LARP1: variants seen among roughly 807,000 people sequenced by gnomAD.
The protein encoded by LARP1 is la-related protein 1.
Under a neutral mutation model 122.7 loss-of-function variants are expected in LARP1, and 36 were observed. The observed-to-expected ratio is 0.29, with a 90% CI of 0.22 to 0.39. LARP1 has a LOEUF of 0.39. Ranked by LOEUF, LARP1 falls within the 10% of genes least tolerant of loss-of-function variation. LARP1 has a pLI of 1.00. For missense variants in LARP1, 1,040 were observed against 1,403.6 expected (o/e 0.74, Z 4.14); for synonymous variants, 539 against 528.7 (o/e 1.02, Z -0.27).
chr5:154,719,378 TTGA>T (rs774865252), intron 1 of LARP1, among the ~76,000 whole-genome samples: 6 of 152,228 alleles, frequency 3.9e-5, no homozygotes, highest in Admixed American at 2.0e-4. Context: ...TTTAACCTTA[TTGA>T]TGTCATGGAT....
chr5:154,695,670 A>G (rs946117079), intron 1 of LARP1, among the ~76,000 whole-genome samples: 1 of 151,836 alleles, frequency 6.6e-6, no homozygotes, highest in South Asian at 2.1e-4. Context: ...AAAAAGAGTT[A>G]TAGACTACCC....
chr5:154,807,865 T>G (rs1758913164), intron 15 of LARP1, among the ~76,000 whole-genome samples: 1 of 152,246 alleles, frequency 6.6e-6, no homozygotes, highest in African/African-American at 2.4e-5. Flanking sequence ...AGATGCTTTT[T>G]TAACTGGATT....
chr5:154,708,977 T>C (rs975991262), upstream of LARP1, among the ~76,000 whole-genome samples: 3 of 152,226 alleles, frequency 2.0e-5, no homozygotes, highest in African/African-American at 7.2e-5. Flanking sequence ...ATTGTTGCCT[T>C]GTTGTCAACA....
chr5:154,803,403 G>A lies in LARP1; in HGVS notation c.2223G>A (p.Arg741=). Residue 741 remains arginine, a synonymous_variant, in exon 12 of 19, where the codon CGG becomes CGA. Coordinates refer to ENST00000518297, the MANE Select transcript of LARP1 (RefSeq NM_033551.3). This position sits in a 1 kb window ranked among gnomAD's most constrained non-coding sequence, Gnocchi z 4.4. ...AGGAAGTTCCTCCTGGGCCACCTCG[G>A]TTCCAGCAAGGTGAGAAGCAGACAC... is the stretch of plus-strand genomic sequence containing the variant. ...PNQEVPPGPP[R]FQQVPTDALA... is the part of the protein sequence containing the mutation. The A allele has an allele frequency of 6.2e-7, 1 of 1,614,094 alleles. No individual in the cohort carries two copies. Among genetic ancestry groups the A allele is most frequent in the Non-Finnish European group, 8.5e-7 (1 of 1,179,998 alleles).
upstream of LARP1, among the ~76,000 whole-genome samples, chr5:154,710,511 A>G (rs772354871): frequency 7.9e-5 from 12 of 152,118 alleles, no homozygotes; most frequent in Admixed American, 5.2e-4. Context: ...TGGGAGGCCA[A>G]TGTGGGCAGA....
intron 1 of LARP1, chr5:154,729,595 T>C (rs1286261618): frequency 1.2e-5 from 5 of 427,250 alleles, no homozygotes; most frequent in African/African-American, 1.0e-4. Context: ...GTACCTGGGT[T>C]CAGATGAAGC....
At chr5:154,808,625 A>G (rs941927965) in intron 16 of LARP1, 22 bp downstream of exon 16, 2 of 1,604,128 alleles carry the variant, frequency 1.2e-6, no homozygotes, top group Admixed American at 3.4e-5. Flanking sequence ...TGGGTGGGGG[A>G]CTTTGGCTGG....
chr5:154,810,390 C>T (rs1336503810), intron 16 of LARP1, among the ~76,000 whole-genome samples: 11 of 150,948 alleles, frequency 7.3e-5, no homozygotes, highest in Non-Finnish European at 1.2e-4. Flanking sequence ...GAGCCAAGAT[C>T]GTGCCACTGC....
intron 1 of LARP1, among the ~76,000 whole-genome samples, chr5:154,759,859 C>T (rs923037096): frequency 6.6e-6 from 1 of 152,188 alleles, no homozygotes; most frequent in Non-Finnish European, 1.5e-5. Flanking sequence ...ATGTTAGATG[C>T]TATGGCCATC....
intron 1 of LARP1, among the ~76,000 whole-genome samples, chr5:154,737,436 CTTTTTT>C (rs10526758): frequency 0.075 from 7,116 of 95,120 alleles, 157 homozygotes; most frequent in South Asian, 0.14. Flanking sequence ...GAATTTTTCT[CTTTTTT>C]TTTTTTTTTT....
At chr5:154,688,037 G>T (rs1481526292) in intron 1 of LARP1, among the ~76,000 whole-genome samples, 1 of 152,180 alleles carries the variant, frequency 6.6e-6, no homozygotes, top group East Asian at 1.9e-4. Flanking sequence ...CTGAGTAGGT[G>T]TACAAATGAG....
chr5:154,792,591 C>G, intron 3 of LARP1, 31 bp from the exon 4 acceptor site: 1 of 1,605,906 alleles, frequency 6.2e-7, no homozygotes, highest in African/African-American at 1.3e-5. Flanking sequence ...CACTCACACT[C>G]ACCTCACTGT....
rs1382991679 is a variant in LARP1, at chr5:154,800,031, G to C, written c.1705G>C (p.Ala569Pro). Reference sequence around the variant, plus strand: ...GAAGAAGAGGCCTCGGCCATCCCCAGCACGGCCCAAGGTGGGTGAGGCCTT... The same window carrying C: ...GAAGAAGAGGCCTCGGCCATCCCCACCACGGCCCAAGGTGGGTGAGGCCTT... Reference protein sequence around the residue: ...EVKKRPRPSPARPKKSEESRF... With the variant: ...EVKKRPRPSPPRPKKSEESRF... The change falls in exon 10 of 19, where the codon GCA becomes CCA. Residue 569 changes from alanine to proline, a missense_variant. Physicochemically the swap from Ala to Pro is conservative, Grantham distance 27. Transcript: ENST00000518297. 8.1e-6 allele frequency: 13 copies of C among 1,613,474 alleles called. No homozygotes were observed.
At chr5:154,783,114 C>T (rs764313788) in intron 1 of LARP1, among the ~76,000 whole-genome samples, 9 of 152,194 alleles carry the variant, frequency 5.9e-5, no homozygotes, top group Admixed American at 2.6e-4. Flanking sequence ...CTGCCTTCCA[C>T]AGTCAGGGTC....
intron 1 of LARP1, among the ~76,000 whole-genome samples, chr5:154,734,411 A>C (rs1361693219): frequency 6.6e-6 from 1 of 152,220 alleles, no homozygotes; most frequent in Admixed American, 6.5e-5. Context: ...TAAGTAACAA[A>C]ATGTTCCCTA....
rs537697139 is a variant in LARP1 at position 154,803,537 on chromosome 5, C to A, written c.2234-3C>A. 2 of 1,614,050 alleles carry A rather than the reference C, an allele frequency of 1.2e-6. No individual in the cohort carries two copies. Among genetic ancestry groups the A allele is most frequent in the South Asian group, 2.2e-5 (2 of 91,080 alleles). On this transcript the variant is annotated splice_region_variant and splice_polypyrimidine_tract_variant and intron_variant, in intron 12 of 18. Coordinates refer to ENST00000518297, the MANE Select transcript of LARP1 (RefSeq NM_033551.3). This position sits in a 1 kb window ranked among gnomAD's most constrained non-coding sequence, Gnocchi z 4.4. ...TTCCTGACTCCTCTCTCTGCCTCTG[C>A]AGTTCCTACGGATGCCCTGGCCAAC...
chr5:154,779,854 C>T (rs564350427), intron 1 of LARP1, among the ~76,000 whole-genome samples: 2 of 152,160 alleles, frequency 1.3e-5, no homozygotes, highest in East Asian at 1.9e-4. Flanking sequence ...TGAGAGCATC[C>T]GTGTGCAGGG....
At chr5:154,772,075 A>G (rs935873852) in intron 1 of LARP1, among the ~76,000 whole-genome samples, 1 of 152,244 alleles carries the variant, frequency 6.6e-6, no homozygotes, top group Non-Finnish European at 1.5e-5. Context: ...ACCAGCAAAT[A>G]TACAACGCAC....
Position 154,795,943 on chromosome 5 carries a change from T to A in LARP1, c.1377+624T>A, listed in dbSNP as rs1352686961. ...ATATTTATATTTATATATTATATAT[T>A]TATATATTATATATATTTTTATACA... On this transcript the variant is annotated intron_variant, in intron 8 of 18. Coordinates refer to ENST00000518297, the MANE Select transcript of LARP1 (RefSeq NM_033551.3). Among the ~76,000 whole-genome samples, 2 of 115,960 alleles carry A rather than the reference T, an allele frequency of 1.7e-5. 1 individual carries two copies. The highest frequency in any genetic ancestry group is 3.3e-5 in the Non-Finnish European group (2 of 60,396). The allele number at this position is 115,960 out of a possible 152,430, so 76.1% of individuals were successfully genotyped here. A position where few individuals can be genotyped will look rare whatever the true frequency, so the allele number is the denominator to read the frequency against.
Sources: gnomAD v4.1 joint callset for allele counts (sites outside exome capture counted in the v4.1 genomes callset) on GRCh38, gnomAD v4.1.1 for gene constraint, Gnocchi (gnomAD v3.1) non-coding constraint, MANE v1.5 for transcripts, NCBI Gene and HGNC (gene_info 2026-07-23, HGNC 2026-07-21) for gene names.